The following FLRT2 variants were observed in gnomAD, a reference collection of about 807,000 sequenced individuals.
FLRT2 encodes the protein leucine-rich repeat transmembrane protein FLRT2.
In FLRT2, 15 loss-of-function variants were observed where a neutral mutation model predicts 40.0. That is an observed-to-expected ratio of 0.38 (90% confidence interval 0.25 to 0.58). The LOEUF (loss-of-function observed/expected upper bound fraction) is 0.58. FLRT2 is among the 20% of genes least tolerant of loss of function. The pLI, the probability that FLRT2 is intolerant of heterozygous loss-of-function variation, is 0.71. For missense variants in FLRT2, 726 were observed against 840.0 expected, an observed-to-expected ratio of 0.86 and a Z score of 1.68; for synonymous variants, 380 against 336.8, an observed-to-expected ratio of 1.13 and a Z score of -1.41.
At position 85,548,676 on chromosome 14, in the gene FLRT2, G is replaced by A. The variant is rs148395575; in HGVS notation, c.-377+18142G>A. On this transcript the variant is annotated intron_variant, in intron 1 of 1. Transcript: ENST00000330753. ...ATCACATGCTTTTTATTATCTCCAT[G>A]ATTGTATTCTTTTTAAAAAGGAGCT... Among the ~76,000 whole-genome samples the A allele has an allele frequency of 2.6e-3, 389 of 152,286 alleles. 5 individuals are homozygous for A. The highest frequency in any genetic ancestry group is 8.9e-3 in the African/African-American group (371 of 41,570).
chr14:85,585,361 T>G (rs2139881902), intron 1 of FLRT2, among the ~76,000 whole-genome samples: 1 of 152,298 alleles, frequency 6.6e-6, no homozygotes, highest in East Asian at 1.9e-4. Context: ...TTCAGGGCAG[T>G]ATTTATATTG....
At chr14:85,558,390 A>T (rs973085060) in intron 1 of FLRT2, among the ~76,000 whole-genome samples, 1 of 152,144 alleles carries the variant, frequency 6.6e-6, no homozygotes, top group Non-Finnish European at 1.5e-5. Context: ...GGAGAGAAGG[A>T]GGAATTTGGA....
rs1241941439 is a variant in FLRT2 at position 85,643,094 on chromosome 14, T to C, written c.*19597T>C. ...TATTCTCAACATGAGGGCTCCACCC[T>C]TATGGATTAATTGCCTCCCAAAGGC... is the stretch of plus-strand genomic sequence containing the variant. On this transcript the variant is annotated 3_prime_UTR_variant, in exon 2 of 2. Coordinates refer to ENST00000330753, the MANE Select transcript of FLRT2 (RefSeq NM_013231.6). The C allele has an allele frequency of 6.6e-6, 1 of 152,104 alleles. No homozygotes were observed. The highest frequency in any genetic ancestry group is 1.5e-5 in the Non-Finnish European group (1 of 68,046). 9.4% of individuals were successfully genotyped at this position (152,104 alleles called of 1,614,324 possible). A position where few individuals can be genotyped will look rare whatever the true frequency, so the allele number is the denominator to read the frequency against.
intron 1 of FLRT2, among the ~76,000 whole-genome samples, chr14:85,615,841 A>G (rs765673671): frequency 2.9e-5 from 4 of 138,826 alleles, no homozygotes; most frequent in Admixed American, 7.1e-5. Context: ...TTGTCATTCT[A>G]TTACGCGATT....
At chr14:85,609,524 C>T (rs766349800) in intron 1 of FLRT2, among the ~76,000 whole-genome samples, 1 of 152,272 alleles carries the variant, frequency 6.6e-6, no homozygotes, top group Non-Finnish European at 1.5e-5. Context: ...GCTGTTTCAC[C>T]GGGAATTTGT....
At chr14:85,562,516 TA>T (rs1360557961) in intron 1 of FLRT2, 1 of 152,132 alleles carries the variant, frequency 6.6e-6, no homozygotes, top group Non-Finnish European at 1.5e-5. Flanking sequence ...GAACTCATTC[TA>T]AGGATCAGAT....
intron 1 of FLRT2, among the ~76,000 whole-genome samples, chr14:85,536,415 C>T (rs530338373): frequency 3.9e-5 from 6 of 152,136 alleles, no homozygotes; most frequent in African/African-American, 1.4e-4. Flanking sequence ...GGGTGCCGAG[C>T]GGCTTTTGGT....
rs1234415701 is a variant in FLRT2 at position 85,623,774 on chromosome 14, G to A, written c.*277G>A. 1.6e-5 allele frequency: 5 copies of A among 317,620 alleles called. No homozygotes were observed. Among genetic ancestry groups the A allele is most frequent in the Non-Finnish European group, 3.0e-5 (5 of 167,140 alleles). 19.7% of individuals were successfully genotyped at this position (317,620 alleles called of 1,614,324 possible). On this transcript the variant is annotated 3_prime_UTR_variant, in exon 2 of 2. Transcript: ENST00000330753. ...GAAGTACTGTACAGGGTTGTACAAT[G>A]AGAACCCAATGCCAAGGCAAAAAGA...
chr14:85,586,256 G>T (rs1214861282), intron 1 of FLRT2, among the ~76,000 whole-genome samples: 1 of 151,714 alleles, frequency 6.6e-6, no homozygotes, highest in Non-Finnish European at 1.5e-5. Context: ...CCACAGAGAG[G>T]TTAGTGAAGT....
At chr14:85,542,399 G>A (rs1955410) in intron 1 of FLRT2, among the ~76,000 whole-genome samples, 40,880 of 151,880 alleles carry the variant, frequency 0.27, 6,609 homozygotes, top group Middle Eastern at 0.41. Context: ...TATTGATGTA[G>A]GAAAGCTATA....
In FLRT2 at chr14:85,636,237, C is replaced by G. The variant is rs998203859; in HGVS notation, c.*12740C>G. The G allele has an allele frequency of 6.6e-6, 1 of 151,112 alleles. No homozygotes were observed. The highest frequency in any genetic ancestry group is 2.4e-5 in the African/African-American group (1 of 41,126). 9.4% of individuals were successfully genotyped at this position (151,112 alleles called of 1,614,324 possible). On this transcript the variant is annotated 3_prime_UTR_variant, in exon 2 of 2. Coordinates refer to ENST00000330753, the MANE Select transcript of FLRT2 (RefSeq NM_013231.6). ...ATATTATGCTACCTCTATAAAGGAC[C>G]AAAATAGTATTTTTAAAAGAATTTA...
Position 85,604,768 on chromosome 14 carries a change from T to G in FLRT2, c.-376-16371T>G, listed in dbSNP as rs73321521. ...TCTAAATAGCTGTAGTTCAGAGCAG[T>G]GCTAAAGAAATACCTTCAAAGAGTG... On this transcript the variant is annotated intron_variant, in intron 1 of 1. Transcript: ENST00000330753. Among the ~76,000 whole-genome samples the G allele has an allele frequency of 8.3e-3, 1,265 of 152,310 alleles. 20 individuals are homozygous for G. Among genetic ancestry groups the G allele is most frequent in the African/African-American group, 0.028 (1,153 of 41,566 alleles).
rs774510689 is a variant in FLRT2, at chr14:85,622,841, T to G, written c.1327T>G (p.Ser443Ala). 6.2e-7 allele frequency: 1 copy of G among 1,614,134 alleles called. No individual in the cohort carries two copies. The highest frequency in any genetic ancestry group is 8.5e-7 in the Non-Finnish European group (1 of 1,180,026). Residue 443 changes from serine (S) to alanine (A), a missense_variant, in exon 2 of 2, where the codon TCT (serine) becomes GCT (alanine). By Grantham distance (99) the Ser-to-Ala change is moderately conservative. This residue lies in a region of FLRT2 where 611 missense variants were observed against 690.0 expected (regional missense o/e 0.89). Coordinates refer to ENST00000330753, the MANE Select transcript of FLRT2 (RefSeq NM_013231.6). ...TACTTCCATTCAAGTCAGCTGGCTC[T>G]CTCTCTTCACCGTGATGGCATACAA... ...NDTSIQVSWL[S>A]LFTVMAYKLT...
rs1555373579 is a variant in FLRT2, at chr14:85,643,354, T to TCTTTCTTTCTTC, written c.*19860_*19861insTCTTTCTTCCTT. ...TTCTTTCTTTCTTTCTTTCTTTCTT[T>TCTTTCTTTCTTC]CTTCCTTCCTTCCTTCCTTCCTTTC... is the stretch of plus-strand genomic sequence containing the variant. On this transcript the variant is annotated 3_prime_UTR_variant, in exon 2 of 2. Coordinates refer to ENST00000330753, the MANE Select transcript of FLRT2 (RefSeq NM_013231.6). 9.3e-4 allele frequency: 43 copies of TCTTTCTTTCTTC among 46,068 alleles called. 1 individual carries two copies. Among genetic ancestry groups the TCTTTCTTTCTTC allele is most frequent in the East Asian group, 2.6e-3 (4 of 1,568 alleles). 2.9% of individuals were successfully genotyped at this position (46,068 alleles called of 1,614,324 possible).
At chr14:85,542,836 A>T (rs369707703) in intron 1 of FLRT2, among the ~76,000 whole-genome samples, 1 of 152,188 alleles carries the variant, frequency 6.6e-6, no homozygotes, top group African/African-American at 2.4e-5. Context: ...TTTGACAAAG[A>T]TTGAGTCCTC....
chr14:85,577,331 A>T (rs1268659340), intron 1 of FLRT2, among the ~76,000 whole-genome samples: 1 of 152,202 alleles, frequency 6.6e-6, no homozygotes, highest in East Asian at 1.9e-4. Context: ...ATTTTAGATG[A>T]CAAATGAATC....
chr14:85,594,332 T>C (rs886886453), intron 1 of FLRT2, among the ~76,000 whole-genome samples: 3 of 152,006 alleles, frequency 2.0e-5, no homozygotes, highest in Non-Finnish European at 4.4e-5. Context: ...GGCCTGGGGA[T>C]TTGTGTTGTG....
At chr14:85,542,599 AACC>A (rs1366427000) in intron 1 of FLRT2, among the ~76,000 whole-genome samples, 1 of 152,216 alleles carries the variant, frequency 6.6e-6, no homozygotes, top group Non-Finnish European at 1.5e-5. Context: ...ACCAACATTC[AACC>A]CAGCATAAAA....
At chr14:85,590,262 T>A (rs67846607) in intron 1 of FLRT2, among the ~76,000 whole-genome samples, 45,301 of 151,868 alleles carry the variant, frequency 0.3, 7,502 homozygotes, top group African/African-American at 0.44. Flanking sequence ...AACTGCCCCC[T>A]TTAGAATGAC....
Sources: allele counts gnomAD v4.1 joint callset (sites outside exome capture counted in the v4.1 genomes callset), GRCh38; gene constraint gnomAD v4.1.1; regional missense constraint gnomAD v4.1.1; transcripts MANE v1.5; gene names NCBI Gene and HGNC (gene_info 2026-07-23, HGNC 2026-07-21).